KIF16B: variants seen among roughly 807,000 people sequenced by gnomAD.
KIF16B encodes the protein kinesin family member 16B, also known as kinesin-like protein KIF16B.
A neutral mutation model predicts 156.3 loss-of-function variants in KIF16B; 98 were observed. The observed-to-expected ratio is 0.63, with a 90% confidence interval of 0.53 to 0.74. KIF16B has a LOEUF of 0.74. KIF16B is among the 30% of genes least tolerant of loss of function. The probability of loss-of-function intolerance (pLI) is 0.00; values close to 1 mark genes in which losing one functional copy is unlikely to be tolerated. For missense variants in KIF16B, 1,421 were observed against 1,606.5 expected, an observed-to-expected ratio of 0.88 and a Z score of 1.97; for synonymous variants, 564 against 583.7, an observed-to-expected ratio of 0.97 and a Z score of 0.49.
At chr20:16,491,895 C>CTCCCTTTTTTTGAGTA (rs1399599695) in intron 12 of KIF16B, among the ~76,000 whole-genome samples, 1 of 152,216 alleles carries the variant, frequency 6.6e-6, no homozygotes, top group Non-Finnish European at 1.5e-5. Context: ...AACAAAGTCA[C>CTCCCTTTTTTTGAGTA]TCCCTGCTTT....
chr20:16,293,528 G>T (rs1035274963), intron 25 of KIF16B, among the ~76,000 whole-genome samples: 1 of 152,140 alleles, frequency 6.6e-6, no homozygotes, highest in South Asian at 2.1e-4. Context: ...CCTTTCTCAG[G>T]AAGCTACTAG....
chr20:16,375,528 T>C (rs543903201), intron 19 of KIF16B, among the ~76,000 whole-genome samples: 2 of 152,048 alleles, frequency 1.3e-5, no homozygotes, highest in East Asian at 3.9e-4. Context: ...CAGCCCTTTC[T>C]GGGTTTATTG....
intron 17 of KIF16B, among the ~76,000 whole-genome samples, chr20:16,401,182 T>C (rs757098944): frequency 6.6e-6 from 1 of 152,148 alleles, no homozygotes; most frequent in Non-Finnish European, 1.5e-5. Context: ...TGAAGTCAGG[T>C]CAACAGGCTG....
chr20:16,443,497 G>GT (rs2066857090), intron 12 of KIF16B, among the ~76,000 whole-genome samples: 1 of 152,074 alleles, frequency 6.6e-6, no homozygotes, highest in African/African-American at 2.4e-5. Context: ...CATTTATATC[G>GT]TAACAGAACA....
At position 16,369,296 on chromosome 20, in the gene KIF16B, G is replaced by A. The variant is rs2064758861; in HGVS notation, c.3498+1290C>T. On this transcript the variant is annotated intron_variant, in intron 22 of 25. Coordinates refer to ENST00000354981, the MANE Select transcript of KIF16B (RefSeq NM_024704.5). The stretch of plus-strand genomic sequence containing the variant: ...TCAAGGTGTCAAAAAAAGTTGAAAT[G>A]GGGATGTGGTATCTCTTTCTGTGAT... 5.1e-6 allele frequency: 5 copies of A among 985,598 alleles called. No homozygotes were observed. The South Asian group carries it at 2.3e-4, about 46-fold the overall frequency. 61.1% of individuals were successfully genotyped at this position (985,598 alleles called of 1,614,324 possible).
intron 12 of KIF16B, among the ~76,000 whole-genome samples, chr20:16,438,405 A>G (rs761137347): frequency 6.6e-6 from 1 of 152,186 alleles, no homozygotes; most frequent in Non-Finnish European, 1.5e-5. Context: ...TTGCTCTATT[A>G]TTAGTTATTG....
intron 12 of KIF16B, among the ~76,000 whole-genome samples, chr20:16,488,702 A>G (rs74344485): frequency 0.014 from 2,085 of 152,334 alleles, 40 homozygotes; most frequent in South Asian, 0.075. Flanking sequence ...AGGGAAACCG[A>G]TATGAAGGGT....
intron 16 of KIF16B, 96 bp downstream of exon 16, chr20:16,406,278 C>G: frequency 1.9e-6 from 2 of 1,033,778 alleles, no homozygotes; most frequent in Non-Finnish European, 3.0e-6. Context: ...CGGTTCTGCA[C>G]CCCAGAAAGT....
intron 12 of KIF16B, among the ~76,000 whole-genome samples, chr20:16,456,218 C>T (rs1481258875): frequency 6.6e-6 from 1 of 152,002 alleles, no homozygotes; most frequent in East Asian, 1.9e-4. Flanking sequence ...ATCCTGAATC[C>T]AAATCACCAT....
At chr20:16,384,077 G>A (rs6034466) in intron 17 of KIF16B, among the ~76,000 whole-genome samples, 106,259 of 152,180 alleles carry the variant, frequency 0.7, 38,231 homozygotes, top group East Asian at 0.99. Flanking sequence ...GTTTGGTAAT[G>A]AAATCTCTGC....
At chr20:16,524,149 G>T (rs958624271) in intron 3 of KIF16B, among the ~76,000 whole-genome samples, 5 of 152,096 alleles carry the variant, frequency 3.3e-5, no homozygotes, top group African/African-American at 1.2e-4. Context: ...AAAAGCAATG[G>T]CAACAAAAGC....
intron 16 of KIF16B, 36 bp from the exon 17 acceptor site, chr20:16,404,937 C>T (rs778968796): frequency 1.8e-5 from 28 of 1,520,942 alleles, no homozygotes; most frequent in Non-Finnish European, 2.5e-5. Context: ...GTTACCTTAG[C>T]AGAGAAGAAA....
At position 16,475,290 on chromosome 20, in the gene KIF16B, GAGTTAGGT is replaced by G. The variant is rs1406420506; in HGVS notation, c.1302+18993_1302+19000del. Among the ~76,000 whole-genome samples, 11 of 152,262 alleles carry G rather than the reference GAGTTAGGT, an allele frequency of 7.2e-5. No homozygotes were observed. In the South Asian group the frequency reaches 1.4e-3, roughly 20 times the overall value. Reference sequence around the variant, plus strand: ...CATTTTATTCTCATAACAACCCGATGAGTTAGGTACTATTATCCCCATTTTACCCATCA... The same window carrying G: ...CATTTTATTCTCATAACAACCCGATGACTATTATCCCCATTTTACCCATCA... On this transcript the variant is annotated intron_variant, in intron 12 of 25. Coordinates refer to ENST00000354981, the MANE Select transcript of KIF16B (RefSeq NM_024704.5).
At chr20:16,422,604 A>G (rs2066253398) in intron 15 of KIF16B, among the ~76,000 whole-genome samples, 2 of 152,134 alleles carry the variant, frequency 1.3e-5, no homozygotes, top group Non-Finnish European at 2.9e-5. Context: ...GCTATTTGTG[A>G]TTTAAGAACT....
intron 5 of KIF16B, among the ~76,000 whole-genome samples, chr20:16,511,862 G>T (rs189125725): frequency 6.6e-6 from 1 of 152,226 alleles, no homozygotes; most frequent in African/African-American, 2.4e-5. Context: ...ATCAAGAAGC[G>T]ACATTAGGCC....
At chr20:16,312,302 A>C (rs768025125) in intron 25 of KIF16B, 33 bp downstream of exon 25, 16 of 1,488,718 alleles carry the variant, frequency 1.1e-5, no homozygotes, top group Non-Finnish European at 1.9e-6. Flanking sequence ...CATTTTCTAC[A>C]TACACAGAGG....
chr20:16,409,911 T>C (rs1311956147), intron 15 of KIF16B, among the ~76,000 whole-genome samples: 41 of 141,388 alleles, frequency 2.9e-4, no homozygotes, highest in Non-Finnish European at 4.2e-4. Context: ...TGAATAAAAG[T>C]CTGGGATGTC....
chr20:16,541,156 A>C (rs1398114126), intron 1 of KIF16B, among the ~76,000 whole-genome samples: 1 of 152,166 alleles, frequency 6.6e-6, no homozygotes, highest in Non-Finnish European at 1.5e-5. Flanking sequence ...TAGAAAAAGA[A>C]ATCTGTGCAC....
intron 12 of KIF16B, among the ~76,000 whole-genome samples, chr20:16,448,903 G>GAGAGAGA (rs2067006563): frequency 8.4e-6 from 1 of 118,946 alleles, no homozygotes; most frequent in Non-Finnish European, 1.7e-5. Flanking sequence ...AGAGAGAGAG[G>GAGAGAGA]GAGGAAACAA....
Sources: allele counts gnomAD v4.1 joint callset (sites outside exome capture counted in the v4.1 genomes callset), GRCh38; gene constraint gnomAD v4.1.1; transcripts MANE v1.5; gene names NCBI Gene and HGNC (gene_info 2026-07-23, HGNC 2026-07-21).